Variants in POLG observed in about 807,000 individuals in gnomAD.
POLG encodes the protein DNA polymerase gamma, catalytic subunit, also known as DNA polymerase subunit gamma-1.
POLG carries 110 observed loss-of-function variants against 155.4 expected under a neutral mutation model. That is an observed-to-expected ratio of 0.71 (90% CI 0.61 to 0.83). POLG has a LOEUF of 0.83. Among genes scored for constraint, POLG ranks in the 40% least tolerant of loss-of-function variants. The pLI, the probability that POLG is intolerant of heterozygous loss-of-function variation, is 0.00. For missense variants in POLG, 1,685 were observed against 1,627.5 expected, an observed-to-expected ratio of 1.04 and a Z score of -0.61; for synonymous variants, 701 against 631.5, an observed-to-expected ratio of 1.11 and a Z score of -1.65.
intron 5 of POLG, 33 bp from the exon 6 acceptor site, chr15:89,328,568 G>T (rs766909265): frequency 5.0e-6 from 8 of 1,607,490 alleles, no homozygotes; most frequent in Non-Finnish European, 6.8e-6. Context: ...CGCAAGGTGG[G>T]CAGCCATCCC....
rs2055281073 is a variant in POLG, at chr15:89,316,782, G to A, written c.3689C>T (p.Ser1230Phe). ...TCCAGGCTGGCTTCGTTTTTCCAAG[G>A]AGCCTTTGGTGAGTTCAATTATCTG... ...IYQIIELTKG[S>F]LEKRSQPGP Residue 1230 changes from serine (S) to phenylalanine (F), a missense_variant, in exon 23 of 23, where the codon TCC becomes TTC. Transcript: ENST00000268124. The A allele has an allele frequency of 6.2e-7, 1 of 1,613,912 alleles. No homozygotes were observed. Among genetic ancestry groups the A allele is most frequent in the Non-Finnish European group, 8.5e-7 (1 of 1,179,934 alleles).
intron 10 of POLG, among the ~76,000 whole-genome samples, chr15:89,325,065 T>TGAGTGAGTGAGTGAGTGAGA (rs2055459878): frequency 1.1e-5 from 1 of 87,924 alleles, no homozygotes; most frequent in African/African-American, 5.7e-5. Flanking sequence ...AGAGAGTGAG[T>TGAGTGAGTGAGTGAGTGAGA]GAGTGAGTGA....
intron 3 of POLG, 66 bp from the exon 4 acceptor site, chr15:89,329,176 CT>C: frequency 5.6e-6 from 8 of 1,425,354 alleles, no homozygotes; most frequent in Middle Eastern, 4.8e-4. Flanking sequence ...CAGCCCACCA[CT>C]GCTTGGTGGT....
chr15:89,321,928 T>C (rs759202256), intron 15 of POLG, 34 bp downstream of exon 15: 1 of 1,612,302 alleles, frequency 6.2e-7, no homozygotes, highest in Non-Finnish European at 8.5e-7. Flanking sequence ...TCACCTCAGT[T>C]CTCCTATCCC....
In POLG at chr15:89,320,998, C is replaced by G; in HGVS notation, c.2749G>C (p.Gly917Arg). 1 of 1,614,106 alleles carries G rather than the reference C, an allele frequency of 6.2e-7. No individual in the cohort carries two copies. Among genetic ancestry groups the G allele is most frequent in the South Asian group, 1.1e-5 (1 of 91,080 alleles). The change falls in exon 18 of 23, where the codon GGG (glycine) becomes CGG (arginine). Residue 917 changes from glycine (G) to arginine (R), a missense_variant. Around this residue, in one of 3 missense-constraint regions of POLG, gnomAD observed 470 missense variants for 439.9 expected, o/e 1.07. Coordinates refer to ENST00000268124, the MANE Select transcript of POLG (RefSeq NM_002693.3). ...FAGMHGCTAF[G>R]WMTLQGRKSR... ...TTCCTGCCCTGCAGTGTCATCCACCCAAAGGCTGTGCAGCCTGGAAGACAA... is the reference window on the plus strand; with the variant it reads ...TTCCTGCCCTGCAGTGTCATCCACCGAAAGGCTGTGCAGCCTGGAAGACAA...
rs2307450 is a variant in POLG at position 89,324,193 on chromosome 15, C to T, written c.1984G>A (p.Glu662Lys). 4,413 of 1,613,554 alleles carry T rather than the reference C, an allele frequency of 2.7e-3. 166 individuals carry two copies. The Admixed American group carries it at 0.065, about 24-fold the overall frequency. Residue 662 changes from glutamate to lysine, a missense_variant, in exon 11 of 23, where the codon GAA becomes AAA. Around this residue, in one of 3 missense-constraint regions of POLG, gnomAD observed 1,210 missense variants for 1,167.1 expected, o/e 1.04. Transcript: ENST00000268124. ...GGCATCAGCTGCTGCTTCCCCTGTT[C>T]GAGACAGTGCTTCCTGTACAGGGAC... ...IESLYRKHCL[E>K]QGKQQLMPQE...
In POLG at chr15:89,328,530, C is replaced by T; in HGVS notation, c.1176G>A (p.Leu392=). The T allele has an allele frequency of 6.2e-7, 1 of 1,613,840 alleles. No individual in the cohort carries two copies. The change falls in exon 6 of 23, where the codon CTG becomes CTA. Residue 392 remains leucine (L), a synonymous_variant. Transcript: ENST00000268124. Reference sequence around the variant, plus strand: ...ACACGTCCTGGGCACAGTACTGCATCAGGTCCTGGCACAAGGTGACAGGAA... The same window carrying T: ...ACACGTCCTGGGCACAGTACTGCATTAGGTCCTGGCACAAGGTGACAGGAA... ...MKDIRENFQD[L]MQYCAQDVWA...
Position 89,322,858 on chromosome 15 carries a change from G to A in POLG, c.2310C>T (p.Phe770=), listed in dbSNP as rs755315398. Residue 770 remains phenylalanine (F), a synonymous_variant, in exon 14 of 23, where the codon TTC becomes TTT. Coordinates refer to ENST00000268124, the MANE Select transcript of POLG (RefSeq NM_002693.3). ...CNVGSPFAKD[F]LPKMEDGTLQ... is the part of the protein sequence containing the mutation. ...GGGTGCCATCCTCCATCTTGGGCAGGAAGTCCTTGGCAAAGGGGCTTCCCA... is the reference window on the plus strand; with the variant it reads ...GGGTGCCATCCTCCATCTTGGGCAGAAAGTCCTTGGCAAAGGGGCTTCCCA... 1.2e-6 allele frequency: 2 copies of A among 1,613,854 alleles called. No homozygotes were observed. The highest frequency in any genetic ancestry group is 1.1e-5 in the South Asian group (1 of 91,064).
At position 89,330,084 on chromosome 15, in the gene POLG, G is replaced by A. The variant is rs41540414; in HGVS notation, c.852C>T (p.Ile284=). Residue 284 remains isoleucine (I), a synonymous_variant, in exon 3 of 23, where the codon ATC becomes ATT. Coordinates refer to ENST00000268124, the MANE Select transcript of POLG (RefSeq NM_002693.3). ...CAGTTGGCCCCAGGAACCTTACCTG[G>A]ATCAGGTACTGCTCCCTGATATGAG... is the stretch of plus-strand genomic sequence containing the variant. ...DRAHIREQYL[I]QGSRMRFLDT... 952 of 1,612,140 alleles carry A rather than the reference G, an allele frequency of 5.9e-4. 6 individuals carry two copies. The African/African-American group carries it at 0.011, about 19-fold the overall frequency.
In POLG at chr15:89,333,049, G is replaced by C. The variant is rs1275790346; in HGVS notation, c.659+47C>G. ...AATGTTCACTGAAACAAACTATTAAGCTGGGCCCCCATGCCTGCTTATGTC... is the reference window on the plus strand; with the variant it reads ...AATGTTCACTGAAACAAACTATTAACCTGGGCCCCCATGCCTGCTTATGTC... On this transcript the variant is annotated intron_variant, in intron 2 of 22. Transcript: ENST00000268124. The C allele has an allele frequency of 2.7e-6, 4 of 1,500,250 alleles. No individual in the cohort carries two copies. The African/African-American group carries it at 4.2e-5, about 16-fold the overall frequency. The allele number at this position is 1,500,250 out of a possible 1,614,324, so 92.9% of individuals were successfully genotyped here. A position where few individuals can be genotyped will look rare whatever the true frequency, so the allele number is the denominator to read the frequency against.
rs555939259 is a variant in POLG at position 89,326,949 on chromosome 15, C to A, written c.1548G>T (p.Glu516Asp). 1 of 1,614,214 alleles carries A rather than the reference C, an allele frequency of 6.2e-7. No individual in the cohort carries two copies. Among genetic ancestry groups the A allele is most frequent in the Admixed American group, 1.7e-5 (1 of 60,030 alleles). Residue 516 changes from glutamate to aspartate, a missense_variant, in exon 8 of 23, where the codon GAG becomes GAT. Transcript: ENST00000268124. ...TGGGATCACCAGGGGCCCCAGCCCC[C>A]TCGATGGGCAACTTGCTGGCTGTGG... ...EPATASKLPI[E>D]GAGAPGDPMD... is the part of the protein sequence containing the mutation.
Position 89,316,390 on chromosome 15 carries a change from C to T in POLG, c.*361G>A, listed in dbSNP as rs1389176310. 1.9e-6 allele frequency: 3 copies of T among 1,610,636 alleles called. No individual in the cohort carries two copies. The highest frequency in any genetic ancestry group is 8.5e-7 in the Non-Finnish European group (1 of 1,178,052). On this transcript the variant is annotated 3_prime_UTR_variant, in exon 23 of 23. Transcript: ENST00000268124. ...CACGTTAGAGCATTAATTCTTTCCC[C>T]TTCTAGGGCACTGCATCAGAGCATG... is the stretch of plus-strand genomic sequence containing the variant.
chr15:89,316,950 C>G (rs1453542404), intron 22 of POLG, 123 bp from the exon 23 acceptor site: 68 of 760,734 alleles, frequency 8.9e-5, no homozygotes, highest in Non-Finnish European at 1.9e-5. Flanking sequence ...ACAATTGCCA[C>G]GAACGGTAAT....
chr15:89,331,610 A>G (rs1055863466), intron 2 of POLG, among the ~76,000 whole-genome samples: 6 of 152,214 alleles, frequency 3.9e-5, no homozygotes, highest in African/African-American at 1.4e-4. Context: ...GCCCTTACCA[A>G]CACCCTTTGG....
rs1272672998 is a variant in POLG, at chr15:89,333,879, A to G, written c.-125T>C. 2 of 1,220,340 alleles carry G rather than the reference A, an allele frequency of 1.6e-6. No homozygotes were observed. The highest frequency in any genetic ancestry group is 1.3e-5 in the South Asian group (1 of 75,518). The allele number at this position is 1,220,340 out of a possible 1,614,324, so 75.6% of individuals were successfully genotyped here. ...CTGTCTCTGCTCTCCTGTCAGTGAA[A>G]TGGGTTTGACCATGCCTGCCTTCCA... On this transcript the variant is annotated 5_prime_UTR_variant, in exon 2 of 23. Transcript: ENST00000268124.
At chr15:89,322,721 A>G in intron 14 of POLG, 21 bp downstream of exon 14, 1 of 1,611,818 alleles carries the variant, frequency 6.2e-7, no homozygotes. Context: ...GCATCCCAGG[A>G]CTCCTCCCAT....
chr15:89,323,569 C>T, intron 12 of POLG, 58 bp from the exon 13 acceptor site: 1 of 1,151,404 alleles, frequency 8.7e-7, no homozygotes. Flanking sequence ...TCAGCAAGGG[C>T]CATGGGGTAG....
intron 2 of POLG, among the ~76,000 whole-genome samples, chr15:89,330,689 T>C (rs979444527): frequency 8.9e-5 from 13 of 146,672 alleles, no homozygotes; most frequent in African/African-American, 1.5e-4. Flanking sequence ...GTAAAGGAGA[T>C]AGACAATAAC....
In POLG at chr15:89,325,183, T is replaced by TGAGTGAGA. The variant is rs1567189732; in HGVS notation, c.1949+266_1949+267insTCTCACTC. On this transcript the variant is annotated intron_variant, in intron 10 of 22. Coordinates refer to ENST00000268124, the MANE Select transcript of POLG (RefSeq NM_002693.3). ...GTGAGTGAGTGAGAGAGTGAGAGAGTGAGTGAGTGAGAGAGTGAGTGAGAG... is the reference window on the plus strand; with the variant it reads ...GTGAGTGAGTGAGAGAGTGAGAGAGTGAGTGAGAGAGTGAGTGAGAGAGTGAGTGAGAG... Among the ~76,000 whole-genome samples, 15 of 45,786 alleles carry TGAGTGAGA rather than the reference T, an allele frequency of 3.3e-4. 1 individual carries two copies. Among genetic ancestry groups the TGAGTGAGA allele is most frequent in the African/African-American group, 1.8e-3 (14 of 7,968 alleles). The allele number at this position is 45,786 out of a possible 152,430, so 30.0% of individuals were successfully genotyped here.
Sources: gnomAD v4.1 joint callset for allele counts (sites outside exome capture counted in the v4.1 genomes callset) on GRCh38, gnomAD v4.1.1 for gene constraint, gnomAD v4.1.1 regional missense constraint, MANE v1.5 for transcripts, NCBI Gene and HGNC (gene_info 2026-07-23, HGNC 2026-07-21) for gene names.